IL1R1: variants seen among roughly 807,000 people sequenced by gnomAD.
IL1R1 encodes interleukin-1 receptor type 1.
A neutral mutation model predicts 50.2 loss-of-function variants in IL1R1; 22 were observed. That is an observed-to-expected ratio of 0.44 (90% confidence interval 0.31 to 0.63). IL1R1 has a LOEUF of 0.63. Among genes scored for constraint, IL1R1 ranks in the 20% least tolerant of loss-of-function variants. The probability of loss-of-function intolerance (pLI) is 0.07; values close to 1 mark genes in which losing one functional copy is unlikely to be tolerated. For missense variants in IL1R1, 509 were observed against 676.2 expected, an observed-to-expected ratio of 0.75 and a Z score of 2.74; for synonymous variants, 251 against 236.7, an observed-to-expected ratio of 1.06 and a Z score of -0.55.
chr2:102,082,585 T>C (rs890337968), intron 1 of IL1R1, among the ~76,000 whole-genome samples: 2 of 152,174 alleles, frequency 1.3e-5, no homozygotes, highest in African/African-American at 4.8e-5. Context: ...ATAACGGAAG[T>C]AGTGGTTTTC....
At chr2:102,167,683 C>T (rs1235404134) in intron 6 of IL1R1, among the ~76,000 whole-genome samples, 1 of 151,818 alleles carries the variant, frequency 6.6e-6, no homozygotes, top group African/African-American at 2.4e-5. Context: ...CTCCTGACCT[C>T]GTGATCCGCC....
At chr2:102,127,031 C>A (rs1216282242) in intron 1 of IL1R1, among the ~76,000 whole-genome samples, 1 of 152,194 alleles carries the variant, frequency 6.6e-6, no homozygotes, top group East Asian at 1.9e-4. Flanking sequence ...CTCTTGTGAA[C>A]CCTTGGGTGT....
intron 3 of IL1R1, among the ~76,000 whole-genome samples, chr2:102,158,225 C>T (rs111911520): frequency 1.3e-5 from 2 of 152,168 alleles, no homozygotes; most frequent in African/African-American, 4.8e-5. Context: ...TTCATTTTCT[C>T]TAATCTTTTC....
In IL1R1 at chr2:102,151,246, T is replaced by A. The variant is rs72996601; in HGVS notation, c.-83-2695T>A. 7.3e-3 allele frequency among the ~76,000 whole-genome samples: 1,113 copies of A among 152,298 alleles called. 15 individuals carry two copies. Among genetic ancestry groups the A allele is most frequent in the African/African-American group, 0.025 (1,031 of 41,550 alleles). ...GGGTGTGAACTCTTTATCTAACTCC[T>A]TGTGTAGGATTCTACCCTCTCTTAT... On this transcript the variant is annotated intron_variant, in intron 1 of 11. Coordinates refer to ENST00000410023, the MANE Select transcript of IL1R1 (RefSeq NM_000877.4).
At chr2:102,098,484 A>G (rs1360327718) in intron 1 of IL1R1, among the ~76,000 whole-genome samples, 1 of 152,214 alleles carries the variant, frequency 6.6e-6, no homozygotes, top group Admixed American at 6.5e-5. Context: ...TGACCTGTCC[A>G]CATGGTAAAC....
chr2:102,113,760 C>T (rs2104374000), intron 1 of IL1R1, among the ~76,000 whole-genome samples: 1 of 152,284 alleles, frequency 6.6e-6, no homozygotes, highest in Admixed American at 6.5e-5. Flanking sequence ...CTAGAACCGG[C>T]CAGGATCAGC....
chr2:102,118,660 C>CA (rs1559471678), intron 1 of IL1R1, among the ~76,000 whole-genome samples: 1 of 152,108 alleles, frequency 6.6e-6, no homozygotes, highest in Non-Finnish European at 1.5e-5. Flanking sequence ...CAGCTGGTGT[C>CA]AGAGTATTCC....
intron 1 of IL1R1, among the ~76,000 whole-genome samples, chr2:102,072,775 C>T (rs1248380451): frequency 1.3e-5 from 2 of 150,710 alleles, no homozygotes; most frequent in Non-Finnish European, 3.0e-5. Flanking sequence ...GTTTTTTTTT[C>T]CAAGTTGTCT....
chr2:102,112,439 A>G (rs1377197518), intron 1 of IL1R1, among the ~76,000 whole-genome samples: 5 of 151,978 alleles, frequency 3.3e-5, no homozygotes, highest in Non-Finnish European at 7.4e-5. Context: ...ACACAGGAAC[A>G]TCTGGGCAGG....
At chr2:102,087,699 C>T (rs1317415310) in intron 1 of IL1R1, among the ~76,000 whole-genome samples, 2 of 152,168 alleles carry the variant, frequency 1.3e-5, no homozygotes, top group Non-Finnish European at 2.9e-5. Flanking sequence ...TAAGACGTGC[C>T]TTGCTTCCTC....
intron 1 of IL1R1, among the ~76,000 whole-genome samples, chr2:102,146,070 C>T (rs946571777): frequency 1.3e-5 from 2 of 151,932 alleles, no homozygotes; most frequent in Non-Finnish European, 2.9e-5. Context: ...TCGGTGGTCT[C>T]TTGAAATGAC....
At chr2:102,098,185 G>A (rs1355592757) in intron 1 of IL1R1, among the ~76,000 whole-genome samples, 2 of 152,028 alleles carry the variant, frequency 1.3e-5, no homozygotes, top group Non-Finnish European at 2.9e-5. Context: ...TGCAAAAATA[G>A]TTTTTCATAA....
chr2:102,091,641 T>G (rs1190826575), intron 1 of IL1R1, among the ~76,000 whole-genome samples: 2 of 152,232 alleles, frequency 1.3e-5, no homozygotes, highest in Non-Finnish European at 2.9e-5. Flanking sequence ...TTTCAAGTTC[T>G]CTCTTGTAAC....
At chr2:102,125,310 C>G (rs1423332618) in intron 1 of IL1R1, among the ~76,000 whole-genome samples, 1 of 152,190 alleles carries the variant, frequency 6.6e-6, no homozygotes, top group Non-Finnish European at 1.5e-5. Context: ...CAAACGAAAC[C>G]AATAACGAAA....
intron 5 of IL1R1, 24 bp from the exon 6 acceptor site, chr2:102,166,089 A>G (rs1453138023): frequency 1.9e-6 from 3 of 1,598,214 alleles, no homozygotes; most frequent in Admixed American, 1.7e-5. Flanking sequence ...TTGGTTTTCA[A>G]TGCTTCTCTC....
intron 1 of IL1R1, among the ~76,000 whole-genome samples, chr2:102,081,063 G>A (rs779900064): frequency 6.6e-6 from 1 of 152,126 alleles, no homozygotes; most frequent in Non-Finnish European, 1.5e-5. Flanking sequence ...GAAGAAAGGG[G>A]AACGAAGAGT....
At chr2:102,176,109 C>T (rs1686109926) in intron 11 of IL1R1, 3 of 478,710 alleles carry the variant, frequency 6.3e-6, no homozygotes. Flanking sequence ...GTCACTTGAG[C>T]CTAGGAGTTT....
chr2:102,074,679 T>C lies in IL1R1; in HGVS notation c.-84+4146T>C, dbSNP rs1156502366. 1.1e-4 allele frequency among the ~76,000 whole-genome samples: 17 copies of C among 152,166 alleles called. 1 individual carries two copies. The highest frequency in any genetic ancestry group is 2.1e-4 in the Non-Finnish European group (14 of 68,024). On this transcript the variant is annotated intron_variant, in intron 1 of 11. Transcript: ENST00000409929. ...TGCAGGCCGTTTAAATCCACCACAT[T>C]GTCCAGTCAGGAGCACCCATTTTCT...
upstream of IL1R1, among the ~76,000 whole-genome samples, chr2:102,101,397 A>G (rs976581613): frequency 1.3e-5 from 2 of 152,222 alleles, no homozygotes; most frequent in Admixed American, 1.3e-4. Flanking sequence ...TGCTGGACTT[A>G]GGAAAGCAGA....
Sources: allele counts gnomAD v4.1 joint callset (sites outside exome capture counted in the v4.1 genomes callset), GRCh38; gene constraint gnomAD v4.1.1; transcripts MANE v1.5; gene names NCBI Gene and HGNC (gene_info 2026-07-23, HGNC 2026-07-21).